The following COBLL1 variants were observed in gnomAD, a reference collection of about 807,000 sequenced individuals.
COBLL1 encodes the protein cordon-bleu protein-like 1.
COBLL1 carries 50 observed loss-of-function variants against 94.8 expected under a neutral mutation model. The observed-to-expected ratio is 0.53, with a 90% CI of 0.42 to 0.67. The LOEUF (loss-of-function observed/expected upper bound fraction) is 0.67. Among genes scored for constraint, COBLL1 ranks in the 30% least tolerant of loss-of-function variants. The probability of loss-of-function intolerance (pLI) is 0.00; values close to 1 mark genes in which losing one functional copy is unlikely to be tolerated. For synonymous variants in COBLL1, 448 were observed against 473.8 expected, an observed-to-expected ratio of 0.95 and a Z score of 0.71; for missense variants, 1,362 against 1,348.7, an observed-to-expected ratio of 1.01 and a Z score of -0.15.
chr2:164,808,011 G>T (rs2105334100), intron 2 of COBLL1, among the ~76,000 whole-genome samples: 1 of 152,060 alleles, frequency 6.6e-6, no homozygotes, highest in Non-Finnish European at 1.5e-5. Context: ...GTAGAGTTGG[G>T]GTTTCACCAT....
At chr2:164,793,265 T>G (rs1311266882) in intron 2 of COBLL1, among the ~76,000 whole-genome samples, 9 of 151,948 alleles carry the variant, frequency 5.9e-5, no homozygotes, top group Non-Finnish European at 1.0e-4. Flanking sequence ...GATAGTGGTT[T>G]GTAAACCTTT....
chr2:164,673,249 C>T (rs1691276414), intron 1 of COBLL1, among the ~76,000 whole-genome samples: 1 of 152,126 alleles, frequency 6.6e-6, no homozygotes, highest in African/African-American at 2.4e-5. Context: ...AATCAGAGAA[C>T]ATGACCAGAC....
chr2:164,754,380 C>G (rs939434060), intron 2 of COBLL1, among the ~76,000 whole-genome samples: 14 of 152,258 alleles, frequency 9.2e-5, no homozygotes, highest in African/African-American at 3.4e-4. Flanking sequence ...GATTGGCTGT[C>G]ATTTCTGAGA....
At position 164,729,897 on chromosome 2, in the gene COBLL1, T is replaced by C. The variant is rs778561410; in HGVS notation, c.432+17A>G. The C allele has an allele frequency of 5.0e-6, 8 of 1,591,844 alleles. No individual in the cohort carries two copies. Among genetic ancestry groups the C allele is most frequent in the African/African-American group, 2.7e-5 (2 of 74,222 alleles). On this transcript the variant is annotated intron_variant, in intron 4 of 13. Transcript: ENST00000652658. ...AATGACTGAATAAGACATCAAAATA[T>C]ATAATGGAATTCTTACCTCTGGTAT...
At chr2:164,782,798 A>G (rs575043052) in intron 2 of COBLL1, among the ~76,000 whole-genome samples, 10 of 152,354 alleles carry the variant, frequency 6.6e-5, no homozygotes, top group Non-Finnish European at 1.3e-4. Context: ...TATAAAAATA[A>G]CATTCTATAA....
intron 7 of COBLL1, among the ~76,000 whole-genome samples, chr2:164,710,017 C>G (rs969578115): frequency 6.6e-6 from 1 of 151,888 alleles, no homozygotes; most frequent in Non-Finnish European, 1.5e-5. Context: ...TATTAACATT[C>G]AAGGAAATAG....
At position 164,685,241 on chromosome 2, in the gene COBLL1, G is replaced by A. The variant is rs1052883442; in HGVS notation, c.*705C>T. On this transcript the variant is annotated 3_prime_UTR_variant, in exon 14 of 14. Coordinates refer to ENST00000652658, the MANE Select transcript of COBLL1 (RefSeq NM_001365672.2). The stretch of plus-strand genomic sequence containing the variant: ...AAATGTGTAATTTCTGTGTGACAAT[G>A]TCATAATTATATACAGAAAATATTT... 2.0e-5 allele frequency: 3 copies of A among 151,998 alleles called. No individual in the cohort carries two copies. Among genetic ancestry groups the A allele is most frequent in the African/African-American group, 7.3e-5 (3 of 41,378 alleles). 9.4% of individuals were successfully genotyped at this position (151,998 alleles called of 1,614,324 possible).
intron 2 of COBLL1, among the ~76,000 whole-genome samples, chr2:164,794,041 A>C (rs910167499): frequency 3.9e-5 from 6 of 152,216 alleles, no homozygotes; most frequent in Admixed American, 3.9e-4. Context: ...CCTATTTATT[A>C]ATACAAACAG....
intron 7 of COBLL1, among the ~76,000 whole-genome samples, chr2:164,707,294 T>A (rs1459469975): frequency 6.6e-6 from 1 of 152,046 alleles, no homozygotes; most frequent in Non-Finnish European, 1.5e-5. Flanking sequence ...GCATGCAATA[T>A]GACACCTGGC....
At chr2:164,777,988 T>A (rs1433830174) in intron 2 of COBLL1, among the ~76,000 whole-genome samples, 1 of 152,228 alleles carries the variant, frequency 6.6e-6, no homozygotes, top group Non-Finnish European at 1.5e-5. Context: ...AATGGCACTG[T>A]AAACTCTAAG....
At chr2:164,772,603 T>G (rs1036174327) in intron 2 of COBLL1, among the ~76,000 whole-genome samples, 33 of 152,068 alleles carry the variant, frequency 2.2e-4, no homozygotes, top group African/African-American at 7.7e-4. Context: ...AAGAAATACT[T>G]TATACCACAA....
chr2:164,793,541 T>C (rs1479006925), intron 2 of COBLL1, among the ~76,000 whole-genome samples: 1 of 152,230 alleles, frequency 6.6e-6, no homozygotes, highest in Non-Finnish European at 1.5e-5. Flanking sequence ...CTAATTTATC[T>C]ATATTCTTAT....
At chr2:164,679,119 T>G (rs1309680421), downstream of COBLL1, among the ~76,000 whole-genome samples, 1 of 152,164 alleles carries the variant, frequency 6.6e-6, no homozygotes. Flanking sequence ...GGACATCTCA[T>G]GCACTGTTGG....
At chr2:164,673,990 A>G (rs1439385800) in intron 1 of COBLL1, among the ~76,000 whole-genome samples, 1 of 152,200 alleles carries the variant, frequency 6.6e-6, no homozygotes, top group African/African-American at 2.4e-5. Flanking sequence ...GGAAGGTAGA[A>G]TTGGTATTTC....
chr2:164,706,750 G>A (rs781752163), intron 7 of COBLL1, among the ~76,000 whole-genome samples: 2 of 152,052 alleles, frequency 1.3e-5, no homozygotes, highest in Non-Finnish European at 2.9e-5. Context: ...TATGTTGTCT[G>A]ACTCATCATT....
intron 2 of COBLL1, among the ~76,000 whole-genome samples, chr2:164,799,305 C>CT (rs1683642651): frequency 6.6e-6 from 1 of 152,032 alleles, no homozygotes; most frequent in Admixed American, 6.6e-5. Flanking sequence ...GGGAGTTGCC[C>CT]TTTTTTTATT....
intron 9 of COBLL1, among the ~76,000 whole-genome samples, chr2:164,702,105 T>A (rs978262562): frequency 3.9e-5 from 6 of 152,126 alleles, no homozygotes; most frequent in Admixed American, 3.3e-4. Context: ...ATTTTTATCA[T>A]TAATAAAAAT....
chr2:164,801,717 T>C (rs1490017413), intron 2 of COBLL1, among the ~76,000 whole-genome samples: 1 of 152,206 alleles, frequency 6.6e-6, no homozygotes, highest in African/African-American at 2.4e-5. Context: ...CCTTAATTGA[T>C]ATCCAGGCTG....
intron 2 of COBLL1, among the ~76,000 whole-genome samples, chr2:164,825,104 A>C (rs1269360576): frequency 2.0e-5 from 3 of 152,222 alleles, no homozygotes; most frequent in Non-Finnish European, 4.4e-5. Flanking sequence ...GTGACCATTA[A>C]ATATAGCAAC....
Sources: allele counts gnomAD v4.1 joint callset (sites outside exome capture counted in the v4.1 genomes callset), GRCh38; gene constraint gnomAD v4.1.1; transcripts MANE v1.5; gene names NCBI Gene and HGNC (gene_info 2026-07-23, HGNC 2026-07-21).